Variants in PTGR1 observed in about 807,000 individuals in gnomAD.
PTGR1 encodes the protein 15-oxoprostaglandin 13-reductase.
A neutral mutation model predicts 37.7 loss-of-function variants in PTGR1; 23 were observed. The ratio of observed to expected loss-of-function variants is 0.61; its 90% CI spans 0.44 to 0.86. The LOEUF (loss-of-function observed/expected upper bound fraction) is 0.86. Ranked by LOEUF, PTGR1 falls within the 40% of genes least tolerant of loss-of-function variation. The probability of loss-of-function intolerance (pLI) is 0.00; values close to 1 mark genes in which losing one functional copy is unlikely to be tolerated. For synonymous variants in PTGR1, 134 were observed against 140.0 expected, an observed-to-expected ratio of 0.96 and a Z score of 0.30; for missense variants, 351 against 394.3, an observed-to-expected ratio of 0.89 and a Z score of 0.93.
At chr9:111,575,211 A>C (rs1829007507) in intron 7 of PTGR1, 1 of 161,646 alleles carries the variant, frequency 6.2e-6, no homozygotes, top group South Asian at 1.7e-4. Context: ...CTGAGGCAGG[A>C]GAACTGCTTG....
intron 4 of PTGR1, among the ~76,000 whole-genome samples, chr9:111,589,661 G>T (rs1172170732): frequency 6.6e-6 from 1 of 151,070 alleles, no homozygotes; most frequent in African/African-American, 2.4e-5. Context: ...TTTTGAGATG[G>T]AGTCTCACTC....
chr9:111,583,574 A>C lies in PTGR1; in HGVS notation c.393T>G (p.Phe131Leu). The C allele has an allele frequency of 1.2e-6, 2 of 1,610,960 alleles. No homozygotes were observed. Among genetic ancestry groups the C allele is most frequent in the Non-Finnish European group, 1.7e-6 (2 of 1,177,032 alleles). The change falls in exon 6 of 10, where the codon TTT becomes TTG. Residue 131 changes from phenylalanine (F) to leucine (L), a missense_variant. By Grantham distance (22) the Phe-to-Leu change is conservative. Transcript: ENST00000407693. ...TVGMPGLTAY[F>L]GLLEICGVKG... ...TCACACCACAGATTTCAAGTAGGCC[A>C]AAGTAGGCAGTCAGGCTAAAGGAAG...
chr9:111,564,203 C>T (rs1367260516), intron 9 of PTGR1: 1 of 1,067,540 alleles, frequency 9.4e-7, no homozygotes, highest in Non-Finnish European at 1.2e-6. Flanking sequence ...GCTTAGCACT[C>T]TTCATGGATT....
downstream of PTGR1, among the ~76,000 whole-genome samples, chr9:111,561,110 T>TATATATATAGAGAGAG (rs1457364862): frequency 1.6e-4 from 3 of 19,190 alleles, no homozygotes; most frequent in African/African-American, 3.9e-4. Context: ...TATATATATA[T>TATATATATAGAGAGAG]AGAGAGAGAG....
intron 4 of PTGR1, among the ~76,000 whole-genome samples, chr9:111,591,067 G>A (rs959869746): frequency 6.6e-6 from 1 of 152,040 alleles, no homozygotes; most frequent in Non-Finnish European, 1.5e-5. Context: ...CAAGGCGGGC[G>A]GATCACCTGA....
Position 111,578,959 on chromosome 9 carries a change from G to GAAAA in PTGR1, c.496-12_496-9dup. The GAAAA allele has an allele frequency of 1.5e-5, 19 of 1,246,516 alleles. No homozygotes were observed. The highest frequency in any genetic ancestry group is 6.7e-5 in the South Asian group (4 of 59,766). 77.2% of individuals were successfully genotyped at this position (1,246,516 alleles called of 1,614,324 possible). On this transcript the variant is annotated splice_polypyrimidine_tract_variant and intron_variant, in intron 6 of 9. Coordinates refer to ENST00000407693, the MANE Select transcript of PTGR1 (RefSeq NM_001146108.2). Reference sequence around the variant, plus strand: ...TCCAACAACTTTGCAGCCCTAAGTAGAAAAAAAAAAAAAAAGGAAACCATG... The same window carrying GAAAA: ...TCCAACAACTTTGCAGCCCTAAGTAGAAAAAAAAAAAAAAAAAAAGGAAACCATG...
chr9:111,585,416 A>G (rs1436991885), intron 5 of PTGR1, among the ~76,000 whole-genome samples: 1 of 152,194 alleles, frequency 6.6e-6, no homozygotes, highest in Non-Finnish European at 1.5e-5. Flanking sequence ...GCTCTCACCC[A>G]TAGAGGGTAC....
intron 6 of PTGR1, among the ~76,000 whole-genome samples, chr9:111,580,109 A>G (rs1310267106): frequency 6.6e-6 from 1 of 152,086 alleles, no homozygotes; most frequent in African/African-American, 2.4e-5. Context: ...TCATAGGATG[A>G]TCTCTTTCAC....
chr9:111,574,022 G>A (rs1318073387), intron 8 of PTGR1, among the ~76,000 whole-genome samples: 1 of 152,142 alleles, frequency 6.6e-6, no homozygotes, highest in Non-Finnish European at 1.5e-5. Context: ...AAGAAGCACT[G>A]CCCAAGATTT....
At position 111,594,271 on chromosome 9, in the gene PTGR1, CA is replaced by C; in HGVS notation, c.107-5del. On this transcript the variant is annotated splice_polypyrimidine_tract_variant and splice_region_variant and intron_variant, in intron 2 of 9. Transcript: ENST00000407693. ...AACAAAGCTTCAAGCAGGACCTCTA[CA>C]AAATAAAGCATTCCATAGGCAATTA... is the stretch of plus-strand genomic sequence containing the variant. The C allele has an allele frequency of 6.2e-7, 1 of 1,612,572 alleles. No individual in the cohort carries two copies. The highest frequency in any genetic ancestry group is 2.2e-5 in the East Asian group (1 of 44,858).
At chr9:111,554,650 A>G (rs1191323766) in intron 9 of PTGR1, among the ~76,000 whole-genome samples, 1 of 152,148 alleles carries the variant, frequency 6.6e-6, no homozygotes, top group African/African-American at 2.4e-5. Context: ...GGACAAAGGG[A>G]TAATTTGTGT....
At chr9:111,562,129 T>C (rs1828343975), downstream of PTGR1, among the ~76,000 whole-genome samples, 1 of 152,062 alleles carries the variant, frequency 6.6e-6, no homozygotes, top group African/African-American at 2.4e-5. Context: ...CGCCTCCGCC[T>C]CCAAAAGTGC....
chr9:111,591,083 G>A (rs1248904462), intron 4 of PTGR1, among the ~76,000 whole-genome samples: 1 of 151,958 alleles, frequency 6.6e-6, no homozygotes, highest in Admixed American at 6.6e-5. Flanking sequence ...CCTGAGGTCG[G>A]GAGTTCGAGA....
At chr9:111,563,291 T>C (rs1252672410) in intron 9 of PTGR1, 60 bp from the exon 10 acceptor site, 2 of 1,471,410 alleles carry the variant, frequency 1.4e-6, no homozygotes, top group African/African-American at 1.4e-5. Flanking sequence ...GATATACTGT[T>C]CTCATCCTAG....
chr9:111,578,959 GAAAAAAA>G lies in PTGR1; in HGVS notation c.496-15_496-9del. 2.4e-6 allele frequency: 3 copies of G among 1,246,590 alleles called. No individual in the cohort carries two copies. The highest frequency in any genetic ancestry group is 3.1e-6 in the Non-Finnish European group (3 of 956,930). 77.2% of individuals were successfully genotyped at this position (1,246,590 alleles called of 1,614,324 possible). A position where few individuals can be genotyped will look rare whatever the true frequency, so the allele number is the denominator to read the frequency against. On this transcript the variant is annotated splice_polypyrimidine_tract_variant and intron_variant, in intron 6 of 9. Coordinates refer to ENST00000407693, the MANE Select transcript of PTGR1 (RefSeq NM_001146108.2). ...TCCAACAACTTTGCAGCCCTAAGTA[GAAAAAAA>G]AAAAAAAAGGAAACCATGAATAAGT...
chr9:111,557,672 C>T (rs1221772776), downstream of PTGR1, among the ~76,000 whole-genome samples: 2 of 151,960 alleles, frequency 1.3e-5, no homozygotes, highest in Admixed American at 6.6e-5. Flanking sequence ...TCAAGTGATC[C>T]GCCCACCTCG....
chr9:111,587,704 C>T (rs766946119), intron 4 of PTGR1, among the ~76,000 whole-genome samples: 20 of 152,216 alleles, frequency 1.3e-4, no homozygotes, highest in Non-Finnish European at 2.5e-4. Flanking sequence ...TCTGCCTCAG[C>T]CTCCCAAAGT....
At position 111,597,312 on chromosome 9, in the gene PTGR1, C is replaced by T. The variant is rs780559185; in HGVS notation, c.106+5G>A. ...CAACTCTGAAATATTTTTAGTATGACTTACCTCCATTTTTTAAGGGTGGGA... is the reference window on the plus strand; with the variant it reads ...CAACTCTGAAATATTTTTAGTATGATTTACCTCCATTTTTTAAGGGTGGGA... On this transcript the variant is annotated splice_donor_5th_base_variant and intron_variant, in intron 2 of 9. Transcript: ENST00000407693. 6.3e-7 allele frequency: 1 copy of T among 1,591,722 alleles called. No individual in the cohort carries two copies. Among genetic ancestry groups the T allele is most frequent in the Admixed American group, 1.7e-5 (1 of 59,750 alleles).
At chr9:111,561,877 T>G (rs1010131747), downstream of PTGR1, among the ~76,000 whole-genome samples, 2 of 152,150 alleles carry the variant, frequency 1.3e-5, no homozygotes, top group African/African-American at 2.4e-5. Context: ...GTTGTTTTTT[T>G]GTTTTGTTTT....
Sources: allele counts gnomAD v4.1 joint callset (sites outside exome capture counted in the v4.1 genomes callset), GRCh38; gene constraint gnomAD v4.1.1; transcripts MANE v1.5; gene names NCBI Gene and HGNC (gene_info 2026-07-23, HGNC 2026-07-21).